ACSL3: variants seen among roughly 807,000 people sequenced by gnomAD.
ACSL3 encodes the protein fatty acid CoA ligase Acsl3.
ACSL3 carries 34 observed loss-of-function variants against 84.7 expected under a neutral mutation model. The ratio of observed to expected loss-of-function variants is 0.40; its 90% CI spans 0.31 to 0.53. The LOEUF is 0.53. ACSL3 is among the 20% of genes least tolerant of loss of function. The pLI, the probability that ACSL3 is intolerant of heterozygous loss-of-function variation, is 0.48. For missense variants in ACSL3, 680 were observed against 873.1 expected, an observed-to-expected ratio of 0.78 and a Z score of 2.79; for synonymous variants, 315 against 299.4, an observed-to-expected ratio of 1.05 and a Z score of -0.54.
chr2:222,867,859 G>A (rs183520296), intron 1 of ACSL3, among the ~76,000 whole-genome samples: 13 of 151,372 alleles, frequency 8.6e-5, no homozygotes, highest in East Asian at 3.9e-4. Flanking sequence ...TCCTCTAATC[G>A]TTTCATTATT....
chr2:222,931,354 C>CA (rs1697025921), intron 14 of ACSL3, among the ~76,000 whole-genome samples: 1 of 150,744 alleles, frequency 6.6e-6, no homozygotes, highest in Non-Finnish European at 1.5e-5. Flanking sequence ...GCAGAGCTTG[C>CA]AGCAAGCGGA....
At chr2:222,922,623 T>C in intron 8 of ACSL3, 85 bp from the exon 9 acceptor site, 1 of 1,552,288 alleles carries the variant, frequency 6.4e-7, no homozygotes, top group Non-Finnish European at 8.7e-7. Flanking sequence ...CCCTTCCATG[T>C]GCCTTCAAGC....
At chr2:222,933,548 G>T in intron 15 of ACSL3, 1 of 262,340 alleles carries the variant, frequency 3.8e-6, no homozygotes, top group Non-Finnish European at 7.3e-6. Flanking sequence ...CTTCCTTCCT[G>T]CTGCCTTGGT....
intron 16 of ACSL3, among the ~76,000 whole-genome samples, chr2:222,937,004 G>A (rs1206608751): frequency 1.3e-5 from 2 of 152,078 alleles, no homozygotes; most frequent in African/African-American, 2.4e-5. Context: ...TGACATGTCG[G>A]GATTATGGGG....
rs929617552 is a variant in ACSL3 at position 222,922,556 on chromosome 2, C to CTCT, written c.957-151_957-149dup. ...CTGCCTATCCTCTGTTTTCACCTGT[C>CTCT]TCTCTCTCTCTCTCACAAACACATA... On this transcript the variant is annotated intron_variant, in intron 8 of 16. Coordinates refer to ENST00000357430, the MANE Select transcript of ACSL3 (RefSeq NM_004457.5). The CTCT allele has an allele frequency of 2.2e-5, 19 of 851,842 alleles. No individual in the cohort carries two copies. In the African/African-American group the frequency reaches 3.1e-4, roughly 14 times the overall value. 52.8% of individuals were successfully genotyped at this position (851,842 alleles called of 1,614,324 possible). A position where few individuals can be genotyped will look rare whatever the true frequency, so the allele number is the denominator to read the frequency against.
intron 1 of ACSL3, among the ~76,000 whole-genome samples, chr2:222,874,875 G>C (rs2106087802): frequency 6.6e-6 from 1 of 152,042 alleles, no homozygotes; most frequent in South Asian, 2.1e-4. Flanking sequence ...AGGAGGCAGA[G>C]ATGGGAGGAT....
At chr2:222,924,665 C>G in intron 11 of ACSL3, 70 bp downstream of exon 11, 2 of 1,340,690 alleles carry the variant, frequency 1.5e-6, no homozygotes, top group African/African-American at 1.5e-5. Flanking sequence ...CATTAATAGC[C>G]CAATTAATTG....
intron 1 of ACSL3, among the ~76,000 whole-genome samples, chr2:222,869,277 T>C (rs1432864963): frequency 6.6e-6 from 1 of 152,228 alleles, no homozygotes; most frequent in Non-Finnish European, 1.5e-5. Context: ...TTTCAATTTC[T>C]GTAACATAAA....
rs1697117468 is a variant in ACSL3, at chr2:222,934,398, T to C, written c.1848-132T>C. On this transcript the variant is annotated intron_variant, in intron 15 of 16. Transcript: ENST00000357430. ...AACTGGCGGTTGCATGAAATGGATA[T>C]GCCAGTGCCAAGTATGGCACATGCA... is the stretch of plus-strand genomic sequence containing the variant. 1.4e-5 allele frequency: 9 copies of C among 635,456 alleles called. No individual in the cohort carries two copies. In the South Asian group the frequency reaches 1.9e-4, roughly 13 times the overall value. The allele number at this position is 635,456 out of a possible 1,614,324, so 39.4% of individuals were successfully genotyped here.
At chr2:222,901,488 G>C (rs1394458290) in intron 3 of ACSL3, among the ~76,000 whole-genome samples, 1 of 60,302 alleles carries the variant, frequency 1.7e-5, no homozygotes, top group East Asian at 6.2e-4. Context: ...AGACATATAA[G>C]TCATCCAAGT....
chr2:222,930,003 A>C (rs1177139234), intron 13 of ACSL3, among the ~76,000 whole-genome samples: 2 of 135,170 alleles, frequency 1.5e-5, no homozygotes, highest in Non-Finnish European at 3.1e-5. Context: ...GTTTCGGCTC[A>C]CTGCAACCTC....
At chr2:222,878,086 C>A (rs1269838739) in intron 1 of ACSL3, among the ~76,000 whole-genome samples, 8 of 152,198 alleles carry the variant, frequency 5.3e-5, no homozygotes, top group Non-Finnish European at 1.0e-4. Context: ...ATAGGAGACA[C>A]TCACATTTGT....
intron 1 of ACSL3, among the ~76,000 whole-genome samples, chr2:222,875,980 C>A (rs1031413243): frequency 3.9e-5 from 6 of 152,066 alleles, no homozygotes; most frequent in Admixed American, 2.0e-4. Context: ...GTGTTTACCT[C>A]GTTGAAGTAG....
chr2:222,928,820 A>T, intron 12 of ACSL3, 42 bp from the exon 13 acceptor site: 1 of 1,481,356 alleles, frequency 6.8e-7, no homozygotes, highest in African/African-American at 1.4e-5. Context: ...GCAGTGTATT[A>T]GCTACTGTTC....
intron 3 of ACSL3, among the ~76,000 whole-genome samples, chr2:222,903,186 G>A (rs902697938): frequency 3.9e-5 from 6 of 152,074 alleles, no homozygotes; most frequent in African/African-American, 7.2e-5. Flanking sequence ...GGCCCAGGCC[G>A]GAGTGCAGTG....
At chr2:222,864,845 C>A (rs1322792277) in intron 1 of ACSL3, among the ~76,000 whole-genome samples, 2 of 152,086 alleles carry the variant, frequency 1.3e-5, no homozygotes, top group Non-Finnish European at 2.9e-5. Flanking sequence ...GGGACACCTT[C>A]CACAGTAACA....
At chr2:222,928,834 A>G in intron 12 of ACSL3, 28 bp from the exon 13 acceptor site, 1 of 1,587,694 alleles carries the variant, frequency 6.3e-7, no homozygotes, top group Non-Finnish European at 8.6e-7. Context: ...ACTGTTCTCA[A>G]ATATCCTTTT....
intron 1 of ACSL3, among the ~76,000 whole-genome samples, chr2:222,881,792 T>A (rs1695597225): frequency 6.6e-6 from 1 of 152,126 alleles, no homozygotes; most frequent in African/African-American, 2.4e-5. Context: ...GTGTGAGCCA[T>A]TGCGCCCGGC....
rs11331027 is a variant in ACSL3, at chr2:222,943,085, CA to C, written c.*1445del. On this transcript the variant is annotated 3_prime_UTR_variant, in exon 17 of 17. Transcript: ENST00000357430. ...ACTGTAGGCATCAAAAGGCAAAAAT[CA>C]AAAAAAAAAAAAACAAAAACAAAAA... 150,843 of 188,722 alleles carry C rather than the reference CA, an allele frequency of 0.8. 57,347 individuals carry two copies. Among genetic ancestry groups the C allele is most frequent in the African/African-American group, 0.92 (37,122 of 40,170 alleles). 11.7% of individuals were successfully genotyped at this position (188,722 alleles called of 1,614,324 possible).
Sources: allele counts gnomAD v4.1 joint callset (sites outside exome capture counted in the v4.1 genomes callset), GRCh38; gene constraint gnomAD v4.1.1; transcripts MANE v1.5; gene names NCBI Gene and HGNC (gene_info 2026-07-23, HGNC 2026-07-21).